MAGI2: variants seen among roughly 807,000 people sequenced by gnomAD.
The protein encoded by MAGI2 is membrane-associated guanylate kinase, WW and PDZ domain-containing protein 2.
MAGI2 carries 35 observed loss-of-function variants against 133.3 expected under a neutral mutation model. That is an observed-to-expected ratio of 0.26 (90% confidence interval 0.20 to 0.35). The LOEUF is 0.35. MAGI2 is among the 10% of genes least tolerant of loss of function. MAGI2 has a pLI of 1.00. For missense variants in MAGI2, 1,636 were observed against 1,863.4 expected (o/e 0.88, Z 2.25); for synonymous variants, 729 against 710.6 (o/e 1.03, Z -0.41).
intron 3 of MAGI2, among the ~76,000 whole-genome samples, chr7:78,532,562 CTT>C (rs1262799081): frequency 6.6e-6 from 1 of 152,120 alleles, no homozygotes; most frequent in Non-Finnish European, 1.5e-5. Context: ...AGCACTTCGA[CTT>C]TATATTTTAG....
chr7:78,573,378 A>ATTTCC (rs1801923928), intron 3 of MAGI2, among the ~76,000 whole-genome samples: 2 of 18,668 alleles, frequency 1.1e-4, no homozygotes, highest in African/African-American at 3.1e-4. Context: ...ATATATATAT[A>ATTTCC]TATATATATA....
intron 9 of MAGI2, among the ~76,000 whole-genome samples, chr7:78,324,170 C>CACACTACACTACACTACACTACACT (rs71085522): frequency 3.3e-4 from 42 of 127,278 alleles, no homozygotes; most frequent in Middle Eastern, 3.8e-3. Context: ...CACTACACTA[C>CACACTACACTACACTACACTACACT]ACACTACACT....
At chr7:79,314,063 T>G (rs955995558) in intron 1 of MAGI2, among the ~76,000 whole-genome samples, 1 of 152,182 alleles carries the variant, frequency 6.6e-6, no homozygotes, top group African/African-American at 2.4e-5. Context: ...AACCTCTGCC[T>G]CCTAGGTTCA....
At chr7:78,555,733 A>G (rs1442333320) in intron 3 of MAGI2, among the ~76,000 whole-genome samples, 1 of 152,162 alleles carries the variant, frequency 6.6e-6, no homozygotes, top group Non-Finnish European at 1.5e-5. Flanking sequence ...GAGAAAGTCA[A>G]TAAACATTTT....
chr7:78,593,563 T>C (rs765492753), intron 3 of MAGI2, among the ~76,000 whole-genome samples: 1 of 152,160 alleles, frequency 6.6e-6, no homozygotes. Flanking sequence ...AGAAGTAGAA[T>C]ATTTTGTTAA....
chr7:78,548,473 T>C (rs1799056509), intron 3 of MAGI2, among the ~76,000 whole-genome samples: 1 of 152,032 alleles, frequency 6.6e-6, no homozygotes, highest in Non-Finnish European at 1.5e-5. Context: ...GGCAGGAGGA[T>C]CACTTGAGGT....
Position 78,019,830 on chromosome 7 carries a change from T to G in MAGI2, c.3853A>C (p.Thr1285Pro). 1 of 1,613,504 alleles carries G rather than the reference T, an allele frequency of 6.2e-7. No homozygotes were observed. The highest frequency in any genetic ancestry group is 8.5e-7 in the Non-Finnish European group (1 of 1,179,894). The change falls in exon 22 of 22, where the codon ACT becomes CCT. Residue 1285 changes from threonine to proline, a missense_variant. Thr to Pro is a conservative substitution (Grantham distance 38). Around this residue, in one of 5 missense-constraint regions of MAGI2, gnomAD observed 354 missense variants for 298.7 expected, o/e 1.19. Coordinates refer to ENST00000354212, the MANE Select transcript of MAGI2 (RefSeq NM_012301.4). ...DPSHQISPGP[T>P]WDIKREHDVR... Reference sequence around the variant, plus strand: ...TCGTGTTCCCGTTTGATATCCCAAGTTGGGCCTGGGCTTATCTGGTGGGAA... The same window carrying G: ...TCGTGTTCCCGTTTGATATCCCAAGGTGGGCCTGGGCTTATCTGGTGGGAA...
At chr7:78,390,932 T>A (rs1795845131) in intron 6 of MAGI2, among the ~76,000 whole-genome samples, 1 of 152,178 alleles carries the variant, frequency 6.6e-6, no homozygotes. Context: ...ACTTTTCCAA[T>A]GTCATAACTA....
intron 2 of MAGI2, among the ~76,000 whole-genome samples, chr7:78,923,919 A>G (rs1163747635): frequency 6.6e-6 from 1 of 152,034 alleles, no homozygotes; most frequent in African/African-American, 2.4e-5. Context: ...CGTCCCTTGT[A>G]AGTTGGGTTC....
intron 2 of MAGI2, among the ~76,000 whole-genome samples, chr7:78,962,653 A>G (rs1802948217): frequency 6.6e-6 from 1 of 151,924 alleles, no homozygotes; most frequent in African/African-American, 2.4e-5. Context: ...GGTTTCTTTG[A>G]TCTAATAATT....
At chr7:78,402,198 GGT>G (rs35143546) in intron 6 of MAGI2, among the ~76,000 whole-genome samples, 1 of 150,130 alleles carries the variant, frequency 6.7e-6, no homozygotes, top group Admixed American at 6.6e-5. Flanking sequence ...CCACCTGGGG[GGT>G]GTGTGTGTGT....
intron 1 of MAGI2, among the ~76,000 whole-genome samples, chr7:79,320,442 G>A (rs760238902): frequency 1.3e-5 from 2 of 152,078 alleles, no homozygotes; most frequent in Admixed American, 1.3e-4. Flanking sequence ...CTTCATAGGT[G>A]TAACATATGA....
intron 1 of MAGI2, among the ~76,000 whole-genome samples, chr7:79,102,876 C>G (rs1818109298): frequency 6.6e-6 from 1 of 152,164 alleles, no homozygotes; most frequent in African/African-American, 2.4e-5. Context: ...TAATTAAAGT[C>G]TATAATCAGT....
chr7:79,201,911 A>C (rs1231712619), intron 1 of MAGI2, among the ~76,000 whole-genome samples: 1 of 151,956 alleles, frequency 6.6e-6, no homozygotes, highest in Non-Finnish European at 1.5e-5. Flanking sequence ...CTCATAGCAT[A>C]CTTTTTATTA....
chr7:78,257,747 A>G (rs977504527), intron 9 of MAGI2, among the ~76,000 whole-genome samples: 2 of 152,114 alleles, frequency 1.3e-5, no homozygotes, highest in African/African-American at 4.8e-5. Flanking sequence ...TTGAGCTTGC[A>G]AATTGAGATT....
At chr7:79,126,789 C>T (rs7793744) in intron 1 of MAGI2, among the ~76,000 whole-genome samples, 119,463 of 151,536 alleles carry the variant, frequency 0.79, 47,567 homozygotes, top group Non-Finnish European at 0.84. Context: ...ATGTTTTGTA[C>T]ATATTAAATA....
chr7:78,547,001 T>C (rs1294108161), intron 3 of MAGI2, among the ~76,000 whole-genome samples: 6 of 152,314 alleles, frequency 3.9e-5, no homozygotes, highest in African/African-American at 1.4e-4. Context: ...GGGACCATGC[T>C]CACTTAATTG....
rs184141758 is a variant in MAGI2 at position 78,573,764 on chromosome 7, A to G, written c.539-52119T>C. Reference sequence around the variant, plus strand: ...TGGGGCTCATCCACTGATGGGTTTCACTGCACATTGAATGGTGAGTTGGGT... The same window carrying G: ...TGGGGCTCATCCACTGATGGGTTTCGCTGCACATTGAATGGTGAGTTGGGT... On this transcript the variant is annotated intron_variant, in intron 3 of 21. Coordinates refer to ENST00000354212, the MANE Select transcript of MAGI2 (RefSeq NM_012301.4). Among the ~76,000 whole-genome samples, 7 of 152,024 alleles carry G rather than the reference A, an allele frequency of 4.6e-5. No homozygotes were observed. In the East Asian group the frequency reaches 1.4e-3, roughly 30 times the overall value.
In MAGI2 at chr7:79,301,064, G is replaced by T. The variant is rs1033031838; in HGVS notation, c.301+151956C>A. 2.0e-5 allele frequency among the ~76,000 whole-genome samples: 3 copies of T among 152,220 alleles called. No individual in the cohort carries two copies. The South Asian group carries it at 6.2e-4, about 32-fold the overall frequency. ...TTCAGAGGATGTATGGAAAAGCCTG[G>T]GTGCCCAACAGAAGCCATCTGCAGG... On this transcript the variant is annotated intron_variant, in intron 1 of 21. Transcript: ENST00000354212.
Sources: allele counts gnomAD v4.1 joint callset (sites outside exome capture counted in the v4.1 genomes callset), GRCh38; gene constraint gnomAD v4.1.1; regional missense constraint gnomAD v4.1.1; transcripts MANE v1.5; gene names NCBI Gene and HGNC (gene_info 2026-07-23, HGNC 2026-07-21).